The following GDAP2 variants were observed in gnomAD, a reference collection of about 807,000 sequenced individuals.
The protein encoded by GDAP2 is ganglioside-induced differentiation-associated protein 2.
In GDAP2, 51 loss-of-function variants were observed where a neutral mutation model predicts 67.0. That is an observed-to-expected ratio of 0.76 (90% CI 0.61 to 0.96). GDAP2 has a LOEUF of 0.96. Ranked by LOEUF, GDAP2 falls within the 40% of genes least tolerant of loss-of-function variation. The pLI is 0.00. For missense variants in GDAP2, 547 were observed against 588.3 expected (o/e 0.93, Z 0.73); for synonymous variants, 203 against 207.3 (o/e 0.98, Z 0.18).
intron 3 of GDAP2, among the ~76,000 whole-genome samples, chr1:117,918,368 G>T (rs1187570076): frequency 6.6e-6 from 1 of 152,110 alleles, no homozygotes; most frequent in African/African-American, 2.4e-5. Flanking sequence ...TTCAGGACAG[G>T]ACAAAGAAGT....
Position 117,912,679 on chromosome 1 carries a change from G to A in GDAP2, c.321C>T (p.Cys107=). The change falls in exon 4 of 14, where the codon TGC becomes TGT. Residue 107 remains cysteine (C), a synonymous_variant. Transcript: ENST00000369443. ...TTGTCAATTTTGCTTCACCTGTTCGGCACCCTGAAAACAATGGAAACACAC... is the reference window on the plus strand; with the variant it reads ...TTGTCAATTTTGCTTCACCTGTTCGACACCCTGAAAACAATGGAAACACAC... The part of the protein sequence containing the change: ...LKEDLQKLKG[C]RTGEAKLTKG... 2 of 1,612,350 alleles carry A rather than the reference G, an allele frequency of 1.2e-6. No individual in the cohort carries two copies. The highest frequency in any genetic ancestry group is 1.7e-6 in the Non-Finnish European group (2 of 1,178,680).
At chr1:117,884,852 T>C (rs1259201634) in intron 10 of GDAP2, among the ~76,000 whole-genome samples, 2 of 143,948 alleles carry the variant, frequency 1.4e-5, no homozygotes, top group Non-Finnish European at 3.0e-5. Context: ...GTGTTCTGTT[T>C]GTTCGAGACA....
intron 11 of GDAP2, 56 bp from the exon 12 acceptor site, chr1:117,881,933 A>G (rs1648661464): frequency 3.4e-6 from 3 of 882,368 alleles, no homozygotes; most frequent in South Asian, 2.6e-5. Flanking sequence ...CCTAAAACCA[A>G]TTACTATTAT....
intron 1 of GDAP2, among the ~76,000 whole-genome samples, chr1:117,923,464 C>G (rs1005134652): frequency 1.3e-5 from 2 of 152,192 alleles, no homozygotes; most frequent in African/African-American, 4.8e-5. Flanking sequence ...GTTCTTCTGC[C>G]ATGGCTTCAG....
chr1:117,870,466 G>A lies in GDAP2; in HGVS notation c.*103C>T. 1 of 771,624 alleles carries A rather than the reference G, an allele frequency of 1.3e-6. No homozygotes were observed. Among genetic ancestry groups the A allele is most frequent in the South Asian group, 1.5e-5 (1 of 66,828 alleles). The allele number at this position is 771,624 out of a possible 1,614,324, so 47.8% of individuals were successfully genotyped here. ...AAATACCAGAGAGGTGGGGACAAAA[G>A]GCTCTCTGGATCTGTACAGCAACAA... On this transcript the variant is annotated 3_prime_UTR_variant, in exon 14 of 14. Coordinates refer to ENST00000369443, the MANE Select transcript of GDAP2 (RefSeq NM_017686.4).
intron 1 of GDAP2, among the ~76,000 whole-genome samples, chr1:117,922,963 C>T (rs1352897373): frequency 2.6e-5 from 4 of 152,178 alleles, no homozygotes; most frequent in Non-Finnish European, 5.9e-5. Flanking sequence ...ATTTCAGAGG[C>T]CTCCCCTGGG....
intron 1 of GDAP2, among the ~76,000 whole-genome samples, chr1:117,928,211 G>C (rs1202975448): frequency 6.6e-6 from 1 of 152,158 alleles, no homozygotes; most frequent in Non-Finnish European, 1.5e-5. Flanking sequence ...CCTTAGAGCA[G>C]GAATATTGAA....
chr1:117,878,614 A>G (rs908779529), intron 12 of GDAP2, among the ~76,000 whole-genome samples: 1 of 152,212 alleles, frequency 6.6e-6, no homozygotes, highest in African/African-American at 2.4e-5. Context: ...GGACTCATAT[A>G]TTTTCAGTTG....
At chr1:117,927,049 A>G (rs930212291) in intron 1 of GDAP2, among the ~76,000 whole-genome samples, 2 of 152,186 alleles carry the variant, frequency 1.3e-5, no homozygotes, top group Non-Finnish European at 2.9e-5. Context: ...CCAAGGATCA[A>G]AAAGTCTACA....
chr1:117,876,338 T>C (rs970070963), intron 13 of GDAP2, among the ~76,000 whole-genome samples: 2 of 152,132 alleles, frequency 1.3e-5, no homozygotes, highest in Non-Finnish European at 2.9e-5. Context: ...CTTCCCCTTC[T>C]GCCGTGAGTG....
intron 13 of GDAP2, among the ~76,000 whole-genome samples, chr1:117,876,613 T>C (rs1046434655): frequency 6.6e-6 from 1 of 152,204 alleles, no homozygotes; most frequent in Non-Finnish European, 1.5e-5. Flanking sequence ...TAAGTTAGTC[T>C]ACTTAATTTT....
chr1:117,909,617 T>A (rs1455949127), intron 5 of GDAP2, among the ~76,000 whole-genome samples: 1 of 152,202 alleles, frequency 6.6e-6, no homozygotes, highest in East Asian at 1.9e-4. Flanking sequence ...GTGTAAGTGT[T>A]TGAATGAAAT....
chr1:117,920,263 G>T lies in GDAP2; in HGVS notation c.95C>A (p.Thr32Asn). Residue 32 changes from threonine to asparagine, a missense_variant, in exon 2 of 14, where the codon ACT (threonine) becomes AAT (asparagine). Physicochemically the swap from Thr to Asn is moderately conservative, Grantham distance 65 (BLOSUM62 0). Transcript: ENST00000369443. ...GTCTTCCTGAAATATTTCAGCTGTA[G>T]TATCAGAGGAATTTAATTCATCTTG... ...SCQDELNSSDTTAEIFQEDTV... is the reference protein window; with the variant it reads ...SCQDELNSSDNTAEIFQEDTV... 6.2e-7 allele frequency: 1 copy of T among 1,605,356 alleles called. No individual in the cohort carries two copies.
At chr1:117,877,944 A>G in intron 13 of GDAP2, 65 bp downstream of exon 13, 1 of 1,549,658 alleles carries the variant, frequency 6.5e-7, no homozygotes, top group Non-Finnish European at 8.7e-7. Context: ...TGTGCTCGTA[A>G]GTGCTGCTCT....
At chr1:117,909,945 C>A (rs1351768268) in intron 5 of GDAP2, among the ~76,000 whole-genome samples, 1 of 151,968 alleles carries the variant, frequency 6.6e-6, no homozygotes, top group Non-Finnish European at 1.5e-5. Context: ...TTATGATTAC[C>A]TTAATAAAAA....
intron 1 of GDAP2, among the ~76,000 whole-genome samples, chr1:117,922,815 A>G (rs1650304617): frequency 6.6e-6 from 1 of 152,248 alleles, no homozygotes; most frequent in African/African-American, 2.4e-5. Context: ...GTCAGGGTTC[A>G]AGAGCAGAGA....
At chr1:117,917,336 TG>T (rs1650083687) in intron 3 of GDAP2, among the ~76,000 whole-genome samples, 1 of 152,224 alleles carries the variant, frequency 6.6e-6, no homozygotes, top group Non-Finnish European at 1.5e-5. Context: ...GGATTAAGTA[TG>T]CAGCCCTTTA....
chr1:117,880,796 G>A (rs1419118558), intron 12 of GDAP2, among the ~76,000 whole-genome samples: 1 of 152,144 alleles, frequency 6.6e-6, no homozygotes, highest in Non-Finnish European at 1.5e-5. Flanking sequence ...TATTTCACAG[G>A]TATACTGCAA....
At chr1:117,897,909 C>T (rs1021955605) in intron 7 of GDAP2, among the ~76,000 whole-genome samples, 4 of 152,156 alleles carry the variant, frequency 2.6e-5, no homozygotes, top group African/African-American at 9.7e-5. Context: ...ATTTAACATT[C>T]TGCTTGAAAA....
Sources: allele counts gnomAD v4.1 joint callset (sites outside exome capture counted in the v4.1 genomes callset), GRCh38; gene constraint gnomAD v4.1.1; transcripts MANE v1.5; gene names NCBI Gene and HGNC (gene_info 2026-07-23, HGNC 2026-07-21).